The following TCF12 variants were observed in gnomAD, a reference collection of about 807,000 sequenced individuals.
TCF12 encodes the protein DNA-binding protein HTF4.
In TCF12, 45 loss-of-function variants were observed where a neutral mutation model predicts 86.0. That is an observed-to-expected ratio of 0.52 (90% CI 0.41 to 0.67). The LOEUF (loss-of-function observed/expected upper bound fraction) is 0.67. Among genes scored for constraint, TCF12 ranks in the 30% least tolerant of loss-of-function variants. The pLI, the probability that TCF12 is intolerant of heterozygous loss-of-function variation, is 0.00. For missense variants in TCF12, 881 were observed against 859.9 expected (o/e 1.02, Z -0.31); for synonymous variants, 330 against 299.6 (o/e 1.10, Z -1.05).
rs1387519100 is a variant in TCF12, at chr15:57,289,022, C to A, written c.*2877C>A. 1 of 152,072 alleles carries A rather than the reference C, an allele frequency of 6.6e-6. No homozygotes were observed. The highest frequency in any genetic ancestry group is 1.5e-5 in the Non-Finnish European group (1 of 68,038). The allele number at this position is 152,072 out of a possible 1,614,324, so 9.4% of individuals were successfully genotyped here. A position where few individuals can be genotyped will look rare whatever the true frequency, so the allele number is the denominator to read the frequency against. ...CACAAAAAAAAGCGTAGGGATTATC[C>A]ATGAGGACTTCATGCCAAGCAAGAA... On this transcript the variant is annotated 3_prime_UTR_variant, in exon 21 of 21. Coordinates refer to ENST00000333725, the MANE Select transcript of TCF12 (RefSeq NM_207037.2).
intron 5 of TCF12, among the ~76,000 whole-genome samples, chr15:57,127,750 G>A (rs184661358): frequency 6.6e-6 from 1 of 152,274 alleles, no homozygotes; most frequent in African/African-American, 2.4e-5. Flanking sequence ...GTGCCCCATA[G>A]GAAGAGCTGT....
In TCF12 at chr15:57,005,303, CAGA is replaced by C. The variant is rs201369891; in HGVS notation, c.149-58442_149-58440del. On this transcript the variant is annotated intron_variant, in intron 3 of 20. Transcript: ENST00000333725. ...ACTCATGTACATTTTTTTAATCTCC[CAGA>C]AGAATTCTAGTATTGCATATACTAT... Among the ~76,000 whole-genome samples the C allele has an allele frequency of 4.1e-3, 621 of 152,244 alleles. 7 individuals carry two copies. The highest frequency in any genetic ancestry group is 0.021 in the Admixed American group (318 of 15,292).
Position 57,223,643 on chromosome 15 carries a change from G to GTTT in TCF12, c.580-7483_580-7481dup, listed in dbSNP as rs550493641. 5.3e-4 allele frequency among the ~76,000 whole-genome samples: 37 copies of GTTT among 69,666 alleles called. 3 individuals are homozygous for GTTT. The highest frequency in any genetic ancestry group is 1.5e-3 in the African/African-American group (30 of 20,412). The allele number at this position is 69,666 out of a possible 152,430, so 45.7% of individuals were successfully genotyped here. ...GTTTTGGCACCTGCCTACCAATGAG[G>GTTT]TTTTTTTTTTTTTTTTTTTTTTTTT... On this transcript the variant is annotated intron_variant, in intron 8 of 20. Transcript: ENST00000333725.
At chr15:57,052,838 T>TA (rs2067733680) in intron 3 of TCF12, among the ~76,000 whole-genome samples, 1 of 152,240 alleles carries the variant, frequency 6.6e-6, no homozygotes, top group Non-Finnish European at 1.5e-5. Context: ...AGTGCTCATG[T>TA]AAACAGTATA....
intron 5 of TCF12, among the ~76,000 whole-genome samples, chr15:57,164,098 G>A (rs1298845265): frequency 2.0e-5 from 3 of 152,212 alleles, no homozygotes; most frequent in South Asian, 2.1e-4. Context: ...ATGTTTGGGG[G>A]CCTTAGTTAC....
Position 57,063,750 on chromosome 15 carries a change from G to C in TCF12, c.149G>C (p.Gly50Ala). The change falls in exon 4 of 21, where the codon GGT becomes GCT. Residue 50 changes from glycine (G) to alanine (A), a missense_variant and splice_region_variant. Gly to Ala is a moderately conservative substitution (Grantham distance 60, BLOSUM62 0). Transcript: ENST00000333725. Reference sequence around the variant, plus strand: ...ATCTTTTATTTTCTTCTCTTTTTAGGTATTGATGAAAGAGGAGGTACAACA... The same window carrying C: ...ATCTTTTATTTTCTTCTCTTTTTAGCTATTGATGAAAGAGGAGGTACAACA... ...TLGSSQFSGS[G>A]IDERGGTTSW... 1.9e-6 allele frequency: 3 copies of C among 1,600,876 alleles called. No homozygotes were observed. The highest frequency in any genetic ancestry group is 2.6e-6 in the Non-Finnish European group (3 of 1,170,222).
At chr15:57,283,859 C>T (rs114356087) in intron 20 of TCF12, among the ~76,000 whole-genome samples, 2,813 of 152,196 alleles carry the variant, frequency 0.018, 90 homozygotes, top group African/African-American at 0.06. Context: ...CATATAGGGT[C>T]AAATGAGACT....
intron 3 of TCF12, among the ~76,000 whole-genome samples, chr15:56,983,199 A>G (rs1278722326): frequency 6.6e-6 from 1 of 152,160 alleles, no homozygotes; most frequent in East Asian, 1.9e-4. Flanking sequence ...TCCCGTAGTC[A>G]TTCTTTGACT....
At chr15:57,269,360 CTTTTTTTTTTTTTTTT>C (rs56700978) in intron 18 of TCF12, among the ~76,000 whole-genome samples, 4 of 32,000 alleles carry the variant, frequency 1.3e-4, no homozygotes, top group East Asian at 1.1e-3. Flanking sequence ...ACAACCCCTG[CTTTTTTTTTTTTTTTT>C]TTTTTTTTTT....
intron 8 of TCF12, chr15:57,219,373 G>A: frequency 1.5e-6 from 2 of 1,304,022 alleles, no homozygotes; most frequent in East Asian, 2.8e-5. Flanking sequence ...CTGTGAGTTG[G>A]TTCAGTCCTA....
intron 3 of TCF12, among the ~76,000 whole-genome samples, chr15:56,925,303 G>T (rs893960224): frequency 8.6e-6 from 1 of 116,458 alleles, no homozygotes; most frequent in African/African-American, 3.4e-5. Flanking sequence ...AAAACAATTT[G>T]ATTAGATCAC....
intron 3 of TCF12, among the ~76,000 whole-genome samples, chr15:57,028,336 C>T (rs1385835440): frequency 6.6e-6 from 1 of 151,268 alleles, no homozygotes; most frequent in Non-Finnish European, 1.5e-5. Context: ...CTAATAAACA[C>T]ATGTAACACA....
chr15:56,933,467 A>G (rs555231093), intron 3 of TCF12, among the ~76,000 whole-genome samples: 3 of 152,276 alleles, frequency 2.0e-5, no homozygotes, highest in South Asian at 4.1e-4. Context: ...TGGAAAATAA[A>G]GATACATTGT....
chr15:57,100,208 A>T (rs2049629916), intron 5 of TCF12, among the ~76,000 whole-genome samples: 1 of 152,180 alleles, frequency 6.6e-6, no homozygotes, highest in South Asian at 2.1e-4. Context: ...GAGGTGGATG[A>T]CAGGGGCCGT....
At chr15:56,942,654 A>G (rs1350991166) in intron 3 of TCF12, among the ~76,000 whole-genome samples, 2 of 152,216 alleles carry the variant, frequency 1.3e-5, no homozygotes, top group African/African-American at 2.4e-5. Context: ...TGTGTAACAG[A>G]ACTATTTTGA....
At chr15:57,221,207 C>G (rs1421578824) in intron 8 of TCF12, among the ~76,000 whole-genome samples, 1 of 152,144 alleles carries the variant, frequency 6.6e-6, no homozygotes, top group Non-Finnish European at 1.5e-5. Flanking sequence ...TATGTTCAAG[C>G]TGCCCATATA....
intron 3 of TCF12, among the ~76,000 whole-genome samples, chr15:56,973,412 A>C (rs576685950): frequency 6.6e-6 from 1 of 152,270 alleles, no homozygotes; most frequent in African/African-American, 2.4e-5. Flanking sequence ...CACTGGCCTT[A>C]TCTGTGCTAC....
chr15:56,940,803 T>C (rs1305074551), intron 3 of TCF12, among the ~76,000 whole-genome samples: 1 of 147,338 alleles, frequency 6.8e-6, no homozygotes, highest in Non-Finnish European at 1.5e-5. Flanking sequence ...TTGCCCAGGC[T>C]GGGGTACAGT....
At chr15:56,942,106 C>G (rs918535115) in intron 3 of TCF12, among the ~76,000 whole-genome samples, 10 of 152,094 alleles carry the variant, frequency 6.6e-5, no homozygotes, top group African/African-American at 2.4e-4. Flanking sequence ...GCCGCCTTAC[C>G]AGTCTTAAGG....
Sources: allele counts gnomAD v4.1 joint callset (sites outside exome capture counted in the v4.1 genomes callset), GRCh38; gene constraint gnomAD v4.1.1; transcripts MANE v1.5; gene names NCBI Gene and HGNC (gene_info 2026-07-23, HGNC 2026-07-21).